The following WASHC3 variants were observed in gnomAD, a reference collection of about 807,000 sequenced individuals.
WASHC3 encodes WASH complex subunit CCDC53.
Under a neutral mutation model 26.1 loss-of-function variants are expected in WASHC3, and 24 were observed. That is an observed-to-expected ratio of 0.92 (90% CI 0.66 to 1.29). WASHC3 has a LOEUF of 1.29. Ranked by LOEUF, WASHC3 falls within the 50% of genes most tolerant of loss-of-function variation. The probability of loss-of-function intolerance (pLI) is 0.00; values close to 1 mark genes in which losing one functional copy is unlikely to be tolerated. For synonymous variants in WASHC3, 77 were observed against 75.7 expected (o/e 1.02, Z -0.09); for missense variants, 214 against 229.6 (o/e 0.93, Z 0.44).
At chr12:102,058,641 C>G (rs993215134) in intron 2 of WASHC3, among the ~76,000 whole-genome samples, 2 of 151,970 alleles carry the variant, frequency 1.3e-5, no homozygotes, top group East Asian at 1.9e-4. Context: ...GAAAATAGTA[C>G]AGAGGTTCCA....
chr12:102,061,068 A>C (rs1240834762), intron 2 of WASHC3, among the ~76,000 whole-genome samples, 180 bp downstream of exon 2: 1 of 151,544 alleles, frequency 6.6e-6, no homozygotes, highest in Admixed American at 6.6e-5. Context: ...TCAGTAGAGG[A>C]GGGGTGCAGG....
At chr12:102,013,977 A>G (rs1876589939) in intron 6 of WASHC3, among the ~76,000 whole-genome samples, 1 of 151,360 alleles carries the variant, frequency 6.6e-6, no homozygotes, top group Non-Finnish European at 1.5e-5. Context: ...ATTATCACTT[A>G]GCCTCTATTC....
chr12:102,045,572 C>T (rs1253679963), intron 3 of WASHC3, among the ~76,000 whole-genome samples: 1 of 152,138 alleles, frequency 6.6e-6, no homozygotes, highest in Admixed American at 6.5e-5. Flanking sequence ...CAATCTAAAA[C>T]AGTCTTCTAT....
At chr12:102,039,591 A>G (rs1370312540) in intron 5 of WASHC3, among the ~76,000 whole-genome samples, 7 of 152,184 alleles carry the variant, frequency 4.6e-5, no homozygotes, top group Non-Finnish European at 1.5e-5. Flanking sequence ...TACTTTCTGT[A>G]TCTAAGATTT....
chr12:102,058,677 T>C (rs112453610), intron 2 of WASHC3, among the ~76,000 whole-genome samples: 1 of 152,200 alleles, frequency 6.6e-6, no homozygotes, highest in African/African-American at 2.4e-5. Context: ...AGAACTACTA[T>C]ATGATCCAGC....
In WASHC3 at chr12:102,061,427, G is replaced by T; in HGVS notation, c.52-81C>A. On this transcript the variant is annotated intron_variant, in intron 1 of 6. Coordinates refer to ENST00000240079, the MANE Select transcript of WASHC3 (RefSeq NM_016053.4). ...TCTTTTCATATTTGGACATAATCAC[G>T]AGGCACTTTGCTGTGTGATATGAAT... The T allele has an allele frequency of 4.5e-6, 4 of 887,846 alleles. No individual in the cohort carries two copies. The South Asian group carries it at 5.6e-5, about 12-fold the overall frequency. 55.0% of individuals were successfully genotyped at this position (887,846 alleles called of 1,614,324 possible). A position where few individuals can be genotyped will look rare whatever the true frequency, so the allele number is the denominator to read the frequency against.
intron 4 of WASHC3, 80 bp from the exon 5 acceptor site, chr12:102,040,058 C>A: frequency 1.7e-6 from 1 of 578,532 alleles, no homozygotes; most frequent in Admixed American, 2.5e-5. Context: ...ATGTTTCTTT[C>A]CATAATTCTA....
chr12:102,015,711 G>C (rs1876670093), intron 6 of WASHC3, among the ~76,000 whole-genome samples: 1 of 152,252 alleles, frequency 6.6e-6, no homozygotes, highest in Admixed American at 6.5e-5. Flanking sequence ...CTTCCCTGAA[G>C]CAGCTAAAAT....
At chr12:102,028,346 T>C (rs956771457) in intron 5 of WASHC3, among the ~76,000 whole-genome samples, 4 of 152,092 alleles carry the variant, frequency 2.6e-5, no homozygotes, top group African/African-American at 9.7e-5. Flanking sequence ...GGGGGTAAGT[T>C]AGGAGTTTGA....
At chr12:102,019,324 C>T (rs1876853026) in intron 6 of WASHC3, 1 of 328,112 alleles carries the variant, frequency 3.0e-6, no homozygotes, top group Non-Finnish European at 6.0e-6. Context: ...TCAAGGGGAA[C>T]AGAAATTTGG....
intron 6 of WASHC3, among the ~76,000 whole-genome samples, chr12:102,021,834 T>TA (rs940968468): frequency 6.4e-5 from 6 of 93,074 alleles, no homozygotes; most frequent in African/African-American, 3.6e-4. Context: ...GCATGCCATG[T>TA]AAAAAAAGTT....
chr12:102,036,906 C>G lies in WASHC3; in HGVS notation c.435+2962G>C, dbSNP rs576946222. ...ATGGGCTAGAGTTAAGTGCTAAGTA[C>G]TGCTAGAAAAAAGTTAAGGCTTTTT... On this transcript the variant is annotated intron_variant, in intron 5 of 6. Transcript: ENST00000240079. Among the ~76,000 whole-genome samples the G allele has an allele frequency of 5.9e-5, 9 of 152,224 alleles. No homozygotes were observed. In the South Asian group the frequency reaches 1.4e-3, roughly 25 times the overall value.
intron 5 of WASHC3, among the ~76,000 whole-genome samples, chr12:102,034,935 T>C (rs1877590918): frequency 6.6e-6 from 1 of 151,994 alleles, no homozygotes; most frequent in African/African-American, 2.4e-5. Flanking sequence ...TCTTACAATG[T>C]TTCCCAGCAG....
In WASHC3 at chr12:102,044,095, AC is replaced by A. The variant is rs1878054178; in HGVS notation, c.324+9del. On this transcript the variant is annotated intron_variant, in intron 4 of 6. Coordinates refer to ENST00000240079, the MANE Select transcript of WASHC3 (RefSeq NM_016053.4). ...CAAGAACATCTGCTCGTTTCTTAGAACTCACTTACCTGTGGTTGCTCTGAAG... is the reference window on the plus strand; with the variant it reads ...CAAGAACATCTGCTCGTTTCTTAGAATCACTTACCTGTGGTTGCTCTGAAG... 2.7e-6 allele frequency: 4 copies of A among 1,477,114 alleles called. No individual in the cohort carries two copies. In the South Asian group the frequency reaches 4.8e-5, roughly 18 times the overall value. 91.5% of individuals were successfully genotyped at this position (1,477,114 alleles called of 1,614,324 possible). A position where few individuals can be genotyped will look rare whatever the true frequency, so the allele number is the denominator to read the frequency against.
intron 2 of WASHC3, among the ~76,000 whole-genome samples, chr12:102,055,308 A>G (rs111370037): frequency 5.3e-5 from 8 of 152,144 alleles, no homozygotes; most frequent in Non-Finnish European, 1.2e-4. Context: ...TTAAGGTCTG[A>G]TGTGTGTTTG....
At chr12:102,044,719 C>T (rs1024369773) in intron 3 of WASHC3, among the ~76,000 whole-genome samples, 1 of 152,124 alleles carries the variant, frequency 6.6e-6, no homozygotes, top group Non-Finnish European at 1.5e-5. Context: ...TGACACAGCT[C>T]ATTCTTTTTT....
At chr12:102,059,835 T>C (rs1448099438) in intron 2 of WASHC3, 1 of 152,206 alleles carries the variant, frequency 6.6e-6, no homozygotes, top group Non-Finnish European at 1.5e-5. Flanking sequence ...TACTGGTTTT[T>C]ATTCAGTCAA....
In WASHC3 at chr12:102,026,002, A is replaced by C. The variant is rs1340105446; in HGVS notation, c.472T>G (p.Ser158Ala). The change falls in exon 6 of 7, where the codon TCA becomes GCA. Residue 158 changes from serine to alanine, a missense_variant. By Grantham distance (99) the Ser-to-Ala change is moderately conservative. Coordinates refer to ENST00000240079, the MANE Select transcript of WASHC3 (RefSeq NM_016053.4). ...AGAAGATCTGGGTCTAGTCCTTCTG[A>C]TATCATTTTGTTTCTTATTGCCATC... ...PVMAIRNKMI[S>A]EGLDPDLLER... is the part of the protein sequence containing the mutation. 2 of 1,543,520 alleles carry C rather than the reference A, an allele frequency of 1.3e-6. No homozygotes were observed. The highest frequency in any genetic ancestry group is 2.4e-5 in the South Asian group (2 of 84,486).
chr12:102,024,411 G>A (rs1877087925), intron 6 of WASHC3, among the ~76,000 whole-genome samples: 1 of 152,160 alleles, frequency 6.6e-6, no homozygotes. Flanking sequence ...AAACGGCAAT[G>A]GATATGGAGG....
Sources: gnomAD v4.1 joint callset for allele counts (sites outside exome capture counted in the v4.1 genomes callset) on GRCh38, gnomAD v4.1.1 for gene constraint, MANE v1.5 for transcripts, NCBI Gene and HGNC (gene_info 2026-07-23, HGNC 2026-07-21) for gene names.